The following ZBTB20 variants were observed in gnomAD, a reference collection of about 807,000 sequenced individuals.
The protein encoded by ZBTB20 is zinc finger and BTB domain-containing protein 20.
A neutral mutation model predicts 56.9 loss-of-function variants in ZBTB20; 9 were observed. The ratio of observed to expected loss-of-function variants is 0.16; its 90% CI spans 0.10 to 0.28. The LOEUF (loss-of-function observed/expected upper bound fraction) is 0.28, where lower values mean the gene tolerates loss of function less well. Ranked by LOEUF, ZBTB20 falls within the 10% of genes least tolerant of loss-of-function variation. The pLI, the probability that ZBTB20 is intolerant of heterozygous loss-of-function variation, is 1.00. For synonymous variants in ZBTB20, 417 were observed against 420.7 expected (o/e 0.99, Z 0.11); for missense variants, 655 against 1,003.0 (o/e 0.65, Z 4.69).
At chr3:114,811,079 C>CTCATTATTAGTCCAG (rs2072484385) in intron 4 of ZBTB20, among the ~76,000 whole-genome samples, 2 of 152,180 alleles carry the variant, frequency 1.3e-5, no homozygotes, top group South Asian at 4.1e-4. Flanking sequence ...TTGCTATGAA[C>CTCATTATTAGTCCAG]TTTGGAGCTG....
intron 3 of ZBTB20, among the ~76,000 whole-genome samples, chr3:114,961,066 A>C (rs909487970): frequency 5.9e-5 from 9 of 151,956 alleles, no homozygotes; most frequent in African/African-American, 2.2e-4. Flanking sequence ...ATGGAAATAG[A>C]GAGTAGAAAC....
At chr3:114,700,131 C>CTAAAA (rs1354990491) in intron 5 of ZBTB20, among the ~76,000 whole-genome samples, 1 of 151,978 alleles carries the variant, frequency 6.6e-6, no homozygotes, top group Non-Finnish European at 1.5e-5. Context: ...ATTTTTGACT[C>CTAAAA]TTTAGAGTCT....
At chr3:114,360,328 G>A (rs1460843063) in intron 10 of ZBTB20, among the ~76,000 whole-genome samples, 5 of 142,924 alleles carry the variant, frequency 3.5e-5, no homozygotes, top group African/African-American at 1.3e-4. Context: ...TTGGTAGGAG[G>A]GGAATGCAAG....
At chr3:114,816,806 G>C (rs1357768232) in intron 4 of ZBTB20, among the ~76,000 whole-genome samples, 1 of 152,116 alleles carries the variant, frequency 6.6e-6, no homozygotes, top group Admixed American at 6.5e-5. Flanking sequence ...AGGAGATTCA[G>C]AAAGCAATGA....
At chr3:114,790,775 G>GTT (rs199728572) in intron 5 of ZBTB20, among the ~76,000 whole-genome samples, 1 of 142,266 alleles carries the variant, frequency 7.0e-6, no homozygotes. Flanking sequence ...ATAACAGTAA[G>GTT]TTTTTTTTTT....
chr3:115,133,175 G>T (rs979923735), intron 1 of ZBTB20, among the ~76,000 whole-genome samples: 1 of 151,990 alleles, frequency 6.6e-6, no homozygotes, highest in Non-Finnish European at 1.5e-5. Context: ...TCTTTTCTAT[G>T]CTAAGTAGCA....
intron 7 of ZBTB20, chr3:114,453,625 C>T (rs760570905): frequency 6.6e-6 from 1 of 151,958 alleles, no homozygotes; most frequent in African/African-American, 2.4e-5. Flanking sequence ...AAGATGCATC[C>T]TGAACAACTT....
At chr3:115,024,479 T>C (rs1215650220) in intron 2 of ZBTB20, among the ~76,000 whole-genome samples, 2 of 151,130 alleles carry the variant, frequency 1.3e-5, no homozygotes, top group African/African-American at 4.8e-5. Context: ...CCCACCTTTT[T>C]ATCCTCCTCA....
At chr3:114,904,303 T>A (rs1353456221) in intron 3 of ZBTB20, 1 of 151,972 alleles carries the variant, frequency 6.6e-6, no homozygotes, top group Non-Finnish European at 1.5e-5. Flanking sequence ...GCTAATTCAC[T>A]TAGAGTACTA....
At chr3:114,990,272 A>G (rs1473381774) in intron 2 of ZBTB20, among the ~76,000 whole-genome samples, 2 of 152,058 alleles carry the variant, frequency 1.3e-5, no homozygotes, top group African/African-American at 4.8e-5. Context: ...TTTGAGATAC[A>G]TCCCATCAAT....
At chr3:114,556,902 A>C (rs937407505) in intron 6 of ZBTB20, among the ~76,000 whole-genome samples, 1 of 152,050 alleles carries the variant, frequency 6.6e-6, no homozygotes, top group Non-Finnish European at 1.5e-5. Context: ...TCTAGAAGAC[A>C]ATAAAAAAGA....
rs564900185 is a variant in ZBTB20 at position 115,042,053 on chromosome 3, TTTG to T, written c.-507+29163_-507+29165del. ...CAATCCCTCAAGAGCTGTCATCGTT[TTTG>T]TTGTTGTTGATACTCTCCACCAAGA... On this transcript the variant is annotated intron_variant, in intron 2 of 11. Transcript: ENST00000675478. Among the ~76,000 whole-genome samples, 97 of 152,178 alleles carry T rather than the reference TTTG, an allele frequency of 6.4e-4. 1 individual carries two copies. In the South Asian group the frequency reaches 0.017, roughly 26 times the overall value.
intron 4 of ZBTB20, among the ~76,000 whole-genome samples, chr3:114,827,527 C>A (rs1047015268): frequency 6.6e-6 from 1 of 151,782 alleles, no homozygotes; most frequent in African/African-American, 2.4e-5. Flanking sequence ...TAGGTCTTAG[C>A]GCTTAAGCAT....
At chr3:114,566,044 G>A (rs184475825) in intron 6 of ZBTB20, among the ~76,000 whole-genome samples, 2 of 125,766 alleles carry the variant, frequency 1.6e-5, no homozygotes, top group East Asian at 2.2e-4. Flanking sequence ...TCCCCCTACC[G>A]ACCCCCGAAA....
intron 7 of ZBTB20, among the ~76,000 whole-genome samples, chr3:114,457,736 G>A (rs1038651972): frequency 6.6e-6 from 1 of 152,008 alleles, no homozygotes; most frequent in Admixed American, 6.6e-5. Context: ...ACCAATATCC[G>A]CATTTCATAG....
intron 6 of ZBTB20, among the ~76,000 whole-genome samples, chr3:114,520,766 C>G (rs1288432024): frequency 6.6e-6 from 1 of 152,124 alleles, no homozygotes; most frequent in Non-Finnish European, 1.5e-5. Flanking sequence ...TAGACAATTA[C>G]AATTAGATAT....
chr3:115,110,949 C>T (rs565016621), intron 1 of ZBTB20, among the ~76,000 whole-genome samples: 1 of 151,448 alleles, frequency 6.6e-6, no homozygotes, highest in African/African-American at 2.4e-5. Flanking sequence ...GAGCTTGCGC[C>T]ACTACACTCC....
At chr3:114,985,121 A>G (rs2078482392) in intron 2 of ZBTB20, among the ~76,000 whole-genome samples, 1 of 152,028 alleles carries the variant, frequency 6.6e-6, no homozygotes, top group Admixed American at 6.6e-5. Context: ...CAACTATTTT[A>G]CTTATTTATA....
chr3:115,069,242 T>C (rs1196262549), intron 2 of ZBTB20, among the ~76,000 whole-genome samples: 1 of 152,182 alleles, frequency 6.6e-6, no homozygotes, highest in African/African-American at 2.4e-5. Context: ...ATCAGTGTTC[T>C]ACTACCACAC....
Sources: allele counts gnomAD v4.1 joint callset (sites outside exome capture counted in the v4.1 genomes callset), GRCh38; gene constraint gnomAD v4.1.1; transcripts MANE v1.5; gene names NCBI Gene and HGNC (gene_info 2026-07-23, HGNC 2026-07-21).